The following PTPRG variants were observed in gnomAD, a reference collection of about 807,000 sequenced individuals.
PTPRG encodes the protein receptor-type tyrosine-protein phosphatase gamma.
Under a neutral mutation model 165.3 loss-of-function variants are expected in PTPRG, and 102 were observed. That is an observed-to-expected ratio of 0.62 (90% CI 0.53 to 0.73). The LOEUF is 0.73. PTPRG is among the 30% of genes least tolerant of loss of function. The pLI, the probability that PTPRG is intolerant of heterozygous loss-of-function variation, is 0.00. For missense variants in PTPRG, 1,866 were observed against 1,861.4 expected (o/e 1.00, Z -0.05); for synonymous variants, 675 against 669.5 (o/e 1.01, Z -0.13).
intron 1 of PTPRG, among the ~76,000 whole-genome samples, chr3:61,612,148 G>T (rs1157072192): frequency 6.6e-6 from 1 of 152,092 alleles, no homozygotes; most frequent in African/African-American, 2.4e-5. Context: ...TCACCTTGTT[G>T]GTCAGGCTGG....
chr3:61,734,262 C>G (rs1056800782), intron 1 of PTPRG, among the ~76,000 whole-genome samples: 2 of 152,146 alleles, frequency 1.3e-5, no homozygotes, highest in African/African-American at 2.4e-5. Flanking sequence ...TACCTAAAAT[C>G]TGCAGGCTTT....
intron 1 of PTPRG, among the ~76,000 whole-genome samples, chr3:61,619,014 T>G (rs1017634964): frequency 1.2e-4 from 17 of 145,052 alleles, no homozygotes; most frequent in Admixed American, 4.1e-4. Context: ...AAAACTACCC[T>G]GGTGTGTTGG....
At chr3:61,944,536 A>T (rs1018911294) in intron 2 of PTPRG, among the ~76,000 whole-genome samples, 2 of 152,154 alleles carry the variant, frequency 1.3e-5, no homozygotes, top group African/African-American at 4.8e-5. Context: ...GAAGAGCTCT[A>T]TGACTTTATC....
At chr3:61,743,017 GTC>G in intron 1 of PTPRG, 1 of 1,570,722 alleles carries the variant, frequency 6.4e-7, no homozygotes, top group Non-Finnish European at 8.8e-7. Context: ...CAACTCCACC[GTC>G]TCCAGGAACT....
intron 4 of PTPRG, among the ~76,000 whole-genome samples, chr3:62,033,530 T>TCCC (rs147045221): frequency 1.0e-4 from 14 of 134,178 alleles, no homozygotes; most frequent in Admixed American, 2.4e-4. Context: ...ATGCCTATCT[T>TCCC]CCCCCCCCCA....
chr3:61,948,274 G>A (rs1272515746), intron 2 of PTPRG, among the ~76,000 whole-genome samples: 41 of 152,174 alleles, frequency 2.7e-4, no homozygotes, highest in East Asian at 1.9e-4. Context: ...GCAGTGAGCC[G>A]AGATCGCTCC....
At chr3:61,576,341 T>A (rs1157378988) in intron 1 of PTPRG, among the ~76,000 whole-genome samples, 1 of 152,202 alleles carries the variant, frequency 6.6e-6, no homozygotes, top group Non-Finnish European at 1.5e-5. Flanking sequence ...TACACATGCC[T>A]TGCTGTATAT....
At chr3:62,284,764 T>C (rs564657714) in intron 28 of PTPRG, among the ~76,000 whole-genome samples, 37 of 152,258 alleles carry the variant, frequency 2.4e-4, no homozygotes, top group African/African-American at 7.7e-4. Flanking sequence ...AGAGTTATTT[T>C]TGAGTCTCCC....
Position 61,707,958 on chromosome 3 carries a change from T to C in PTPRG, c.86-40920T>C, listed in dbSNP as rs182779329. On this transcript the variant is annotated intron_variant, in intron 1 of 29. Transcript: ENST00000474889. Reference sequence around the variant, plus strand: ...TGCACACCACTGTGACCAGATAATTTTTGTATTTTTTGTAGAGATAGGGTT... The same window carrying C: ...TGCACACCACTGTGACCAGATAATTCTTGTATTTTTTGTAGAGATAGGGTT... 3.3e-5 allele frequency among the ~76,000 whole-genome samples: 5 copies of C among 152,158 alleles called. No homozygotes were observed. In the East Asian group the frequency reaches 9.7e-4, roughly 29 times the overall value.
chr3:62,216,471 A>G (rs1369116371), intron 12 of PTPRG, among the ~76,000 whole-genome samples: 1 of 152,078 alleles, frequency 6.6e-6, no homozygotes, highest in Non-Finnish European at 1.5e-5. Flanking sequence ...TTAACTGAAC[A>G]TGTGGCCTAT....
Position 62,271,992 on chromosome 3 carries a change from G to A in PTPRG, c.3182+437G>A, listed in dbSNP as rs1702083341. ...TGCCTGTGGTCCCAGCTACATGGGA[G>A]GCTGAGACAGAAGGATCCCTTGAAC... On this transcript the variant is annotated intron_variant, in intron 21 of 29. Transcript: ENST00000474889. This position sits in a 1 kb window ranked among gnomAD's most constrained non-coding sequence, Gnocchi z 4.1. Among the ~76,000 whole-genome samples, 1 of 152,140 alleles carries A rather than the reference G, an allele frequency of 6.6e-6. No individual in the cohort carries two copies. The highest frequency in any genetic ancestry group is 1.5e-5 in the Non-Finnish European group (1 of 68,026).
At chr3:62,159,400 C>T (rs1004929672) in intron 7 of PTPRG, among the ~76,000 whole-genome samples, 3 of 151,986 alleles carry the variant, frequency 2.0e-5, no homozygotes, top group Non-Finnish European at 1.5e-5. Flanking sequence ...ATATAGAATT[C>T]CATGTAAGGA....
rs980601851 is a variant in PTPRG, at chr3:62,011,506, T to C, written c.519+8009T>C. 4.6e-5 allele frequency among the ~76,000 whole-genome samples: 7 copies of C among 152,288 alleles called. 1 individual carries two copies. The highest frequency in any genetic ancestry group is 6.8e-3 in the Middle Eastern group (2 of 294). ...TCCCATGGTTATCTGGTGTTTGCTA[T>C]TCTGTGGTGTAGCCTAGTAGTGACT... On this transcript the variant is annotated intron_variant, in intron 4 of 29. Coordinates refer to ENST00000474889, the MANE Select transcript of PTPRG (RefSeq NM_002841.4).
At chr3:61,721,114 A>T (rs1575609572) in intron 1 of PTPRG, among the ~76,000 whole-genome samples, 1 of 152,320 alleles carries the variant, frequency 6.6e-6, no homozygotes, top group African/African-American at 2.4e-5. Flanking sequence ...ACCAAATTTT[A>T]CCCTTCAGTG....
intron 1 of PTPRG, among the ~76,000 whole-genome samples, chr3:61,671,071 C>T (rs796311775): frequency 6.6e-5 from 10 of 150,958 alleles, no homozygotes; most frequent in Non-Finnish European, 1.0e-4. Context: ...AAAAAATCTT[C>T]GGCATCTCTC....
chr3:61,982,281 A>G (rs565936947), intron 2 of PTPRG, among the ~76,000 whole-genome samples: 38 of 152,278 alleles, frequency 2.5e-4, no homozygotes, highest in African/African-American at 7.9e-4. Flanking sequence ...ATACTTGTTG[A>G]AGCCAGTTTC....
intron 17 of PTPRG, among the ~76,000 whole-genome samples, chr3:62,265,924 C>CACACACACACACA (rs757211700): frequency 1.3e-5 from 2 of 151,396 alleles, no homozygotes; most frequent in Non-Finnish European, 2.9e-5. Context: ...CACACACACA[C>CACACACACACACA]ACCATTCTCT....
intron 4 of PTPRG, among the ~76,000 whole-genome samples, chr3:62,039,065 G>T (rs1700041799): frequency 6.6e-6 from 1 of 152,118 alleles, no homozygotes; most frequent in South Asian, 2.1e-4. Flanking sequence ...CTCCTGAGTA[G>T]CTGGAACTAC....
intron 6 of PTPRG, among the ~76,000 whole-genome samples, chr3:62,155,455 C>T (rs768475514): frequency 7.9e-5 from 12 of 152,146 alleles, no homozygotes; most frequent in Admixed American, 3.3e-4. Flanking sequence ...TTCTGCATCC[C>T]GGCTCTGTAA....
Sources: allele counts gnomAD v4.1 joint callset (sites outside exome capture counted in the v4.1 genomes callset), GRCh38; gene constraint gnomAD v4.1.1; non-coding constraint Gnocchi (gnomAD v3.1); transcripts MANE v1.5; gene names NCBI Gene and HGNC (gene_info 2026-07-23, HGNC 2026-07-21).